The following ANKRD11 variants were observed in gnomAD, a reference collection of about 807,000 sequenced individuals.
ANKRD11 encodes ankyrin repeat domain 11.
ANKRD11 carries 17 observed loss-of-function variants against 195.7 expected under a neutral mutation model. That is an observed-to-expected ratio of 0.09 (90% CI 0.06 to 0.13). The LOEUF is 0.13. Ranked by LOEUF, ANKRD11 falls within the 10% of genes least tolerant of loss-of-function variation. The pLI is 1.00. For missense variants in ANKRD11, 3,735 were observed against 3,566.1 expected (o/e 1.05, Z -1.21); for synonymous variants, 1,953 against 1,528.1 (o/e 1.28, Z -6.49).
Position 89,397,826 on chromosome 16 carries a change from C to T in ANKRD11, c.-60+20458G>A, listed in dbSNP as rs564801144. Among the ~76,000 whole-genome samples, 8 of 152,340 alleles carry T rather than the reference C, an allele frequency of 5.3e-5. No homozygotes were observed. In the East Asian group the frequency reaches 1.5e-3, roughly 29 times the overall value. Reference sequence around the variant, plus strand: ...AGGCGGTGGCCAGGGACAAGCGGCCCGTGCCACGTCTCCCAGCTAGCTCAC... The same window carrying T: ...AGGCGGTGGCCAGGGACAAGCGGCCTGTGCCACGTCTCCCAGCTAGCTCAC... On this transcript the variant is annotated intron_variant, in intron 2 of 12. Transcript: ENST00000301030.
At chr16:89,406,883 C>T (rs915066527) in intron 2 of ANKRD11, among the ~76,000 whole-genome samples, 3 of 152,166 alleles carry the variant, frequency 2.0e-5, no homozygotes, top group Non-Finnish European at 4.4e-5. Flanking sequence ...AAATCAGCAA[C>T]ATTAAGAACA....
intron 2 of ANKRD11, among the ~76,000 whole-genome samples, chr16:89,333,192 C>T (rs1289948022): frequency 1.3e-5 from 2 of 152,244 alleles, no homozygotes; most frequent in African/African-American, 4.8e-5. Context: ...AGGTCAATTC[C>T]AGAATCATTT....
chr16:89,283,399 T>A lies in ANKRD11; in HGVS notation c.3143A>T (p.Lys1048Met), dbSNP rs897468503. Residue 1048 changes from lysine (K) to methionine (M), a missense_variant, in exon 9 of 13, where the codon AAG becomes ATG. By Grantham distance (95) the Lys-to-Met change is moderately conservative. Transcript: ENST00000301030. This position sits in a 1 kb window ranked among gnomAD's most constrained non-coding sequence, Gnocchi z 4.3. The part of the protein sequence containing the change: ...SEKSILEKCQ[K>M]DKEFDKCFKE... ...AAAACATTTATCAAATTCTTTGTCCTTCTGACATTTTTCCAGGATTGATTT... is the reference window on the plus strand; with the variant it reads ...AAAACATTTATCAAATTCTTTGTCCATCTGACATTTTTCCAGGATTGATTT... 6.2e-7 allele frequency: 1 copy of A among 1,614,080 alleles called. No homozygotes were observed. Among genetic ancestry groups the A allele is most frequent in the Non-Finnish European group, 8.5e-7 (1 of 1,180,048 alleles).
chr16:89,314,003 C>T (rs1228798697), intron 3 of ANKRD11, among the ~76,000 whole-genome samples: 1 of 152,198 alleles, frequency 6.6e-6, no homozygotes, highest in African/African-American at 2.4e-5. Context: ...GCTGAAGGAT[C>T]ACTTGAGCTC....
intron 11 of ANKRD11, 154 bp from the exon 12 acceptor site, chr16:89,271,063 A>G (rs975706673): frequency 1.2e-5 from 9 of 727,546 alleles, no homozygotes; most frequent in Non-Finnish European, 1.9e-5. Flanking sequence ...TGTTCAAGGC[A>G]TGGCAGGCGC....
At chr16:89,470,170 C>A (rs1413099147) in intron 1 of ANKRD11, among the ~76,000 whole-genome samples, 1 of 151,900 alleles carries the variant, frequency 6.6e-6, no homozygotes, top group Admixed American at 6.6e-5. Context: ...CCTCCCAAAG[C>A]GCTGGGATTA....
chr16:89,477,055 A>AAC (rs1463229610), intron 1 of ANKRD11, among the ~76,000 whole-genome samples: 2 of 152,234 alleles, frequency 1.3e-5, no homozygotes, highest in African/African-American at 4.8e-5. Flanking sequence ...CGGAGTAAGA[A>AAC]ACAGAGAAAA....
At chr16:89,477,653 G>A (rs892534530) in intron 1 of ANKRD11, among the ~76,000 whole-genome samples, 2 of 151,034 alleles carry the variant, frequency 1.3e-5, no homozygotes, top group African/African-American at 4.9e-5. Context: ...CACTGGGCCC[G>A]GCAGTATTTA....
At chr16:89,474,853 T>C (rs941835129) in intron 1 of ANKRD11, among the ~76,000 whole-genome samples, 3 of 152,270 alleles carry the variant, frequency 2.0e-5, no homozygotes, top group African/African-American at 7.2e-5. Flanking sequence ...CTTACACATG[T>C]ATCATCCAAA....
At chr16:89,320,566 G>T (rs1022797346) in intron 2 of ANKRD11, among the ~76,000 whole-genome samples, 1 of 152,172 alleles carries the variant, frequency 6.6e-6, no homozygotes, top group Non-Finnish European at 1.5e-5. Context: ...ACCTCCTGGC[G>T]GATGGCAACC....
intron 2 of ANKRD11, among the ~76,000 whole-genome samples, chr16:89,348,174 C>G (rs971244271): frequency 4.6e-5 from 7 of 152,108 alleles, no homozygotes; most frequent in Admixed American, 3.3e-4. Flanking sequence ...TCAAACAGTC[C>G]TCCCATCTCA....
In ANKRD11 at chr16:89,280,658, G is replaced by A. The variant is rs771089110; in HGVS notation, c.5884C>T (p.Leu1962=). The A allele has an allele frequency of 6.2e-7, 1 of 1,613,492 alleles. No homozygotes were observed. Among genetic ancestry groups the A allele is most frequent in the Admixed American group, 1.7e-5 (1 of 60,032 alleles). Residue 1962 remains leucine (L), a synonymous_variant, in exon 9 of 13, where the codon CTG becomes TTG. Coordinates refer to ENST00000301030, the MANE Select transcript of ANKRD11 (RefSeq NM_013275.6). ...GGGTTTTCAGAGGTGCCCCCGATCA[G>A]GCTAGAGGCAAGCGCCTGCTCGGAG... The part of the protein sequence containing the change: ...HPSEQALASS[L]IGGTSENPVS...
intron 2 of ANKRD11, among the ~76,000 whole-genome samples, chr16:89,350,079 A>G (rs1440001631): frequency 9.2e-5 from 14 of 152,202 alleles, no homozygotes; most frequent in African/African-American, 3.4e-4. Flanking sequence ...CCCCCCACCA[A>G]AAAAGCCACA....
At position 89,457,777 on chromosome 16, in the gene ANKRD11, A is replaced by C. The variant is rs1053133865; in HGVS notation, c.-145+32468T>G. Reference sequence around the variant, plus strand: ...TAATACCTGGGGTATCAAAACTGTCAAACTCATCCTACTGTACCTTCTAAA... The same window carrying C: ...TAATACCTGGGGTATCAAAACTGTCCAACTCATCCTACTGTACCTTCTAAA... On this transcript the variant is annotated intron_variant, in intron 1 of 12. Transcript: ENST00000301030. Among the ~76,000 whole-genome samples, 8 of 152,092 alleles carry C rather than the reference A, an allele frequency of 5.3e-5. 1 individual carries two copies. The highest frequency in any genetic ancestry group is 8.8e-5 in the Non-Finnish European group (6 of 68,024).
At chr16:89,289,690 G>A (rs1001709098) in intron 6 of ANKRD11, among the ~76,000 whole-genome samples, 1 of 152,224 alleles carries the variant, frequency 6.6e-6, no homozygotes, top group Non-Finnish European at 1.5e-5. Flanking sequence ...GGTCCCTCCA[G>A]GGGCCTGGAG....
At chr16:89,410,861 A>T (rs2152207554) in intron 2 of ANKRD11, among the ~76,000 whole-genome samples, 1 of 152,170 alleles carries the variant, frequency 6.6e-6, no homozygotes, top group South Asian at 2.1e-4. Context: ...AGGGCAAGAC[A>T]GAAACCACAT....
chr16:89,469,880 T>C (rs1342457712), intron 1 of ANKRD11, among the ~76,000 whole-genome samples: 2 of 146,868 alleles, frequency 1.4e-5, no homozygotes, highest in African/African-American at 2.5e-5. Context: ...GAGGCTCCGT[T>C]TCAGAAAAAC....
chr16:89,368,381 T>TG lies in ANKRD11; in HGVS notation c.-60+49902_-60+49903insC, dbSNP rs1164239208. On this transcript the variant is annotated intron_variant, in intron 2 of 12. Coordinates refer to ENST00000301030, the MANE Select transcript of ANKRD11 (RefSeq NM_013275.6). Reference sequence around the variant, plus strand: ...CTGGCTAATTTTTGTGTTTTTTTTTTTTTTTTTTTTTTTTTTTTTTTAGTA... The same window carrying TG: ...CTGGCTAATTTTTGTGTTTTTTTTTTGTTTTTTTTTTTTTTTTTTTTTAGTA... Among the ~76,000 whole-genome samples, 180 of 124,106 alleles carry TG rather than the reference T, an allele frequency of 1.5e-3. 1 individual carries two copies. Among genetic ancestry groups the TG allele is most frequent in the African/African-American group, 6.6e-3 (172 of 25,930 alleles). 81.4% of individuals were successfully genotyped at this position (124,106 alleles called of 152,430 possible).
At chr16:89,300,498 C>A (rs1443767892) in intron 4 of ANKRD11, 3 of 219,048 alleles carry the variant, frequency 1.4e-5, no homozygotes, top group Non-Finnish European at 2.7e-5. Flanking sequence ...GCTCTCTCTG[C>A]CCGCTCGGGT....
Sources: gnomAD v4.1 joint callset for allele counts (sites outside exome capture counted in the v4.1 genomes callset) on GRCh38, gnomAD v4.1.1 for gene constraint, Gnocchi (gnomAD v3.1) non-coding constraint, MANE v1.5 for transcripts, NCBI Gene and HGNC (gene_info 2026-07-23, HGNC 2026-07-21) for gene names.